Variants in ANK3 observed in about 807,000 individuals in gnomAD.
ANK3 encodes ankyrin-3.
Under a neutral mutation model 370.9 loss-of-function variants are expected in ANK3, and 57 were observed. The ratio of observed to expected loss-of-function variants is 0.15; its 90% CI spans 0.12 to 0.19. The LOEUF is 0.19. Among genes scored for constraint, ANK3 ranks in the 10% least tolerant of loss-of-function variants. The probability of loss-of-function intolerance (pLI) is 1.00; values close to 1 mark genes in which losing one functional copy is unlikely to be tolerated. For synonymous variants in ANK3, 1,929 were observed against 1,946.3 expected (o/e 0.99, Z 0.23); for missense variants, 4,439 against 5,302.1 (o/e 0.84, Z 5.06).
chr10:60,037,566 G>A (rs1247195344), intron 43 of ANK3, among the ~76,000 whole-genome samples: 1 of 152,068 alleles, frequency 6.6e-6, no homozygotes, highest in African/African-American at 2.4e-5. Flanking sequence ...TCCTATGTTA[G>A]TTTGCTAAGG....
chr10:60,636,094 A>G (rs201638411), intron 1 of ANK3, among the ~76,000 whole-genome samples: 1 of 81,642 alleles, frequency 1.2e-5, no homozygotes, highest in African/African-American at 5.1e-5. Context: ...TAGTTTAAAA[A>G]CTAAAATCAT....
chr10:60,072,051 A>G lies in ANK3; in HGVS notation c.8830T>C (p.Leu2944=), dbSNP rs1461379171. The part of the protein sequence containing the change: ...VVKEGDHPGG[L]LDQPSRRSES... ...CTCCTCCTGGAAGGCTGATCAAGCA[A>G]TCCGCCTGGATGGTCCCCTTCTTTC... Residue 2944 remains leucine (L), a synonymous_variant, in exon 37 of 44, where the codon TTG becomes CTG. Transcript: ENST00000280772. 2 of 1,614,100 alleles carry G rather than the reference A, an allele frequency of 1.2e-6. No homozygotes were observed. The highest frequency in any genetic ancestry group is 1.7e-6 in the Non-Finnish European group (2 of 1,180,004).
chr10:60,518,429 C>T (rs1222598982), intron 2 of ANK3, among the ~76,000 whole-genome samples: 1 of 152,148 alleles, frequency 6.6e-6, no homozygotes, highest in Non-Finnish European at 1.5e-5. Context: ...GAAAGGCACA[C>T]ACCAGGTTTT....
At chr10:60,609,116 C>T (rs774810472) in intron 2 of ANK3, among the ~76,000 whole-genome samples, 7 of 152,120 alleles carry the variant, frequency 4.6e-5, no homozygotes, top group East Asian at 1.9e-4. Context: ...ATTTATCAAA[C>T]GTACTTGCCA....
chr10:60,695,099 T>C (rs1190776092), intron 1 of ANK3, among the ~76,000 whole-genome samples: 3 of 151,188 alleles, frequency 2.0e-5, no homozygotes, highest in Non-Finnish European at 4.4e-5. Context: ...GTTGCAATCC[T>C]AGTCTCTGAT....
chr10:60,246,255 C>CCA (rs2097550429), intron 7 of ANK3, among the ~76,000 whole-genome samples: 4 of 92,704 alleles, frequency 4.3e-5, no homozygotes, highest in Admixed American at 1.2e-4. Context: ...AACCCTGTAT[C>CCA]AAAAAAAAAA....
At chr10:60,490,234 A>G (rs1238095314) in intron 2 of ANK3, among the ~76,000 whole-genome samples, 4 of 152,158 alleles carry the variant, frequency 2.6e-5, no homozygotes, top group Non-Finnish European at 5.9e-5. Flanking sequence ...TGGTTCTCAG[A>G]GTCTTATCTA....
At chr10:60,488,353 A>G (rs1258498185) in intron 2 of ANK3, among the ~76,000 whole-genome samples, 2 of 152,192 alleles carry the variant, frequency 1.3e-5, no homozygotes, top group Non-Finnish European at 2.9e-5. Flanking sequence ...GGGCAGACGA[A>G]GAGCTCCTGA....
chr10:60,685,025 G>C, intron 1 of ANK3: 13 of 1,535,460 alleles, frequency 8.5e-6, no homozygotes, highest in Non-Finnish European at 1.2e-5. Context: ...ATAGGAGATG[G>C]CCTAAAGGAA....
intron 2 of ANK3, among the ~76,000 whole-genome samples, chr10:60,509,981 G>T (rs996143166): frequency 1.3e-5 from 2 of 152,002 alleles, no homozygotes; most frequent in Non-Finnish European, 2.9e-5. Context: ...CTCCCCTGTA[G>T]TTACCATCTC....
chr10:60,167,995 C>T (rs1030169112), intron 21 of ANK3, among the ~76,000 whole-genome samples: 3 of 152,020 alleles, frequency 2.0e-5, no homozygotes, highest in African/African-American at 4.8e-5. Context: ...TACCCCACAC[C>T]AAGTTCCCCT....
chr10:60,553,158 C>T (rs990069993), intron 2 of ANK3, among the ~76,000 whole-genome samples: 7 of 152,166 alleles, frequency 4.6e-5, no homozygotes, highest in Non-Finnish European at 2.9e-5. Context: ...GTCTAAATGG[C>T]AAACTTCCCT....
intron 18 of ANK3, among the ~76,000 whole-genome samples, chr10:60,180,659 C>G (rs1196377241): frequency 7.0e-6 from 1 of 142,296 alleles, no homozygotes; most frequent in Non-Finnish European, 1.5e-5. Flanking sequence ...TGACACAAAT[C>G]TGATATGAAG....
chr10:60,657,732 A>G (rs2133368808), intron 1 of ANK3, among the ~76,000 whole-genome samples: 1 of 152,198 alleles, frequency 6.6e-6, no homozygotes, highest in Non-Finnish European at 1.5e-5. Context: ...ATTATATTAC[A>G]ATGGTTATGA....
chr10:60,445,642 CA>C (rs2064425702), intron 2 of ANK3, among the ~76,000 whole-genome samples: 1 of 151,868 alleles, frequency 6.6e-6, no homozygotes. Flanking sequence ...CATTACCAGC[CA>C]ACAAAATTCC....
intron 2 of ANK3, among the ~76,000 whole-genome samples, chr10:60,467,602 C>T (rs2065039561): frequency 6.6e-6 from 1 of 152,160 alleles, no homozygotes; most frequent in South Asian, 2.1e-4. Context: ...AAACATCTTT[C>T]ACCTAAATAT....
intron 1 of ANK3, among the ~76,000 whole-genome samples, chr10:60,373,801 C>T (rs1364155665): frequency 6.6e-6 from 1 of 152,108 alleles, no homozygotes; most frequent in African/African-American, 2.4e-5. Flanking sequence ...CGTCCTTGTT[C>T]TAGCACTGAA....
chr10:60,202,487 C>T (rs1011981440), intron 12 of ANK3, among the ~76,000 whole-genome samples: 2 of 152,304 alleles, frequency 1.3e-5, no homozygotes, highest in Admixed American at 6.5e-5. Flanking sequence ...GAACGTAGTT[C>T]GTAAGTCCTA....
At chr10:60,332,888 C>T (rs1454716678) in intron 1 of ANK3, among the ~76,000 whole-genome samples, 1 of 152,078 alleles carries the variant, frequency 6.6e-6, no homozygotes, top group Non-Finnish European at 1.5e-5. Context: ...AATAATGGAT[C>T]TGTTGGGAGG....
Sources: allele counts gnomAD v4.1 joint callset (sites outside exome capture counted in the v4.1 genomes callset), GRCh38; gene constraint gnomAD v4.1.1; transcripts MANE v1.5; gene names NCBI Gene and HGNC (gene_info 2026-07-23, HGNC 2026-07-21).